Variants in ST6GALNAC5 observed in about 807,000 individuals in gnomAD.
ST6GALNAC5 encodes alpha-N-acetylgalactosaminide alpha-2,6-sialyltransferase 5.
In ST6GALNAC5, 27 loss-of-function variants were observed where a neutral mutation model predicts 33.6. The ratio of observed to expected loss-of-function variants is 0.80; its 90% CI spans 0.59 to 1.11. ST6GALNAC5 has a LOEUF of 1.11. ST6GALNAC5 is among the 50% of genes least tolerant of loss of function. ST6GALNAC5 has a pLI of 0.00. For missense variants in ST6GALNAC5, 428 were observed against 454.0 expected (o/e 0.94, Z 0.52); for synonymous variants, 194 against 171.2 (o/e 1.13, Z -1.04).
At chr1:77,029,355 G>A (rs1019490959) in intron 2 of ST6GALNAC5, among the ~76,000 whole-genome samples, 1 of 152,176 alleles carries the variant, frequency 6.6e-6, no homozygotes, top group Non-Finnish European at 1.5e-5. Flanking sequence ...AAAGTGGGAG[G>A]TTCTACTATG....
At chr1:76,975,077 G>A (rs773456395) in intron 2 of ST6GALNAC5, among the ~76,000 whole-genome samples, 3 of 151,812 alleles carry the variant, frequency 2.0e-5, no homozygotes, top group South Asian at 2.1e-4. Context: ...GTGAGCCACC[G>A]TGCCCAGGCT....
intron 2 of ST6GALNAC5, among the ~76,000 whole-genome samples, chr1:76,969,425 C>T (rs1444832013): frequency 1.3e-5 from 2 of 152,218 alleles, no homozygotes; most frequent in African/African-American, 2.4e-5. Flanking sequence ...TTGCTCACTG[C>T]TAGTGCAGCA....
At position 76,890,868 on chromosome 1, in the gene ST6GALNAC5, T is replaced by A. The variant is rs561210111; in HGVS notation, c.261+22126T>A. Among the ~76,000 whole-genome samples the A allele has an allele frequency of 1.8e-4, 27 of 152,314 alleles. No individual in the cohort carries two copies. In the South Asian group the frequency reaches 5.0e-3, roughly 28 times the overall value. On this transcript the variant is annotated intron_variant, in intron 2 of 4. Transcript: ENST00000477717. ...CATAAATGAGATTACACTACATTTATCGATTTGAGCATAAGATATTCTCAA... is the reference window on the plus strand; with the variant it reads ...CATAAATGAGATTACACTACATTTAACGATTTGAGCATAAGATATTCTCAA...
intron 2 of ST6GALNAC5, among the ~76,000 whole-genome samples, chr1:76,902,958 G>A (rs531511882): frequency 1.3e-5 from 2 of 152,118 alleles, no homozygotes; most frequent in South Asian, 4.2e-4. Context: ...AAAACTCAGG[G>A]ATAAATCTGC....
At chr1:77,053,269 T>C (rs750164385) in intron 4 of ST6GALNAC5, among the ~76,000 whole-genome samples, 1 of 152,190 alleles carries the variant, frequency 6.6e-6, no homozygotes, top group Non-Finnish European at 1.5e-5. Context: ...GGAGGTAAGC[T>C]ATCGCCAGGG....
Position 77,007,095 on chromosome 1 carries a change from T to C in ST6GALNAC5, c.262-37109T>C, listed in dbSNP as rs369273592. 1.2e-4 allele frequency among the ~76,000 whole-genome samples: 18 copies of C among 152,334 alleles called. 1 individual carries two copies. Among genetic ancestry groups the C allele is most frequent in the African/African-American group, 4.3e-4 (18 of 41,576 alleles). On this transcript the variant is annotated intron_variant, in intron 2 of 4. Transcript: ENST00000477717. ...GTCCTGTTGGGCAGAGCAAGTCACC[T>C]GGCCAAGCCCAGTGTCAGTATAGAG...
chr1:76,911,610 A>C (rs1328397518), intron 2 of ST6GALNAC5, among the ~76,000 whole-genome samples: 2 of 152,008 alleles, frequency 1.3e-5, no homozygotes, highest in African/African-American at 4.8e-5. Context: ...GATTATTGCC[A>C]CAATTTCAGA....
chr1:76,959,201 G>A (rs552816536), intron 2 of ST6GALNAC5, among the ~76,000 whole-genome samples: 1 of 152,258 alleles, frequency 6.6e-6, no homozygotes, highest in South Asian at 2.1e-4. Flanking sequence ...ATCTCTGTAG[G>A]TTTCAGAGAA....
intron 2 of ST6GALNAC5, among the ~76,000 whole-genome samples, chr1:76,900,568 G>A (rs901596113): frequency 2.6e-5 from 4 of 152,072 alleles, no homozygotes; most frequent in African/African-American, 9.7e-5. Flanking sequence ...CAATTATTTT[G>A]GTTTCTCTCT....
At chr1:76,937,277 T>G (rs559878465) in intron 2 of ST6GALNAC5, among the ~76,000 whole-genome samples, 1 of 152,052 alleles carries the variant, frequency 6.6e-6, no homozygotes, top group African/African-American at 2.4e-5. Context: ...ACATCTTTTC[T>G]CAAAGATAAA....
At chr1:77,008,008 T>C (rs1398049568) in intron 2 of ST6GALNAC5, among the ~76,000 whole-genome samples, 1 of 152,220 alleles carries the variant, frequency 6.6e-6, no homozygotes, top group Non-Finnish European at 1.5e-5. Flanking sequence ...CTTTATTTTA[T>C]TATTATTATT....
At chr1:76,958,241 C>G (rs917778241) in intron 2 of ST6GALNAC5, among the ~76,000 whole-genome samples, 1 of 152,124 alleles carries the variant, frequency 6.6e-6, no homozygotes, top group African/African-American at 2.4e-5. Flanking sequence ...CGCTTCACAT[C>G]GTCTTTTTAT....
chr1:76,926,421 G>A (rs932102453), intron 2 of ST6GALNAC5, among the ~76,000 whole-genome samples: 4 of 152,044 alleles, frequency 2.6e-5, no homozygotes, highest in Admixed American at 6.6e-5. Flanking sequence ...AATTTATGTA[G>A]GGGTCACTCT....
chr1:77,023,850 C>T (rs149960088), intron 2 of ST6GALNAC5, among the ~76,000 whole-genome samples: 28 of 152,092 alleles, frequency 1.8e-4, no homozygotes, highest in Admixed American at 8.5e-4. Flanking sequence ...TCAAAGGGGC[C>T]GGATGGGGGT....
At chr1:76,958,932 G>T (rs1648114776) in intron 2 of ST6GALNAC5, among the ~76,000 whole-genome samples, 1 of 152,026 alleles carries the variant, frequency 6.6e-6, no homozygotes, top group African/African-American at 2.4e-5. Context: ...ATCCTCTCAG[G>T]TGTGACATTT....
intron 2 of ST6GALNAC5, among the ~76,000 whole-genome samples, chr1:76,949,005 A>G (rs1248726072): frequency 1.3e-5 from 2 of 152,106 alleles, no homozygotes; most frequent in Non-Finnish European, 2.9e-5. Flanking sequence ...TCTCTCAAAG[A>G]GCTTGTGGTC....
At chr1:76,965,223 C>CT (rs535130137) in intron 2 of ST6GALNAC5, among the ~76,000 whole-genome samples, 1 of 152,128 alleles carries the variant, frequency 6.6e-6, no homozygotes, top group Admixed American at 6.5e-5. Flanking sequence ...CCACCCCCCC[C>CT]ACCAACAGTG....
intron 2 of ST6GALNAC5, among the ~76,000 whole-genome samples, chr1:76,956,367 C>T (rs1357748988): frequency 6.6e-6 from 1 of 151,998 alleles, no homozygotes; most frequent in Non-Finnish European, 1.5e-5. Context: ...ATGTTTCTTA[C>T]AACCACACTC....
intron 2 of ST6GALNAC5, among the ~76,000 whole-genome samples, chr1:76,972,688 G>A (rs979606955): frequency 3.9e-5 from 6 of 152,022 alleles, no homozygotes; most frequent in Admixed American, 3.9e-4. Flanking sequence ...ATAAATTTCT[G>A]GAAGTGGAGT....
Sources: allele counts gnomAD v4.1 joint callset (sites outside exome capture counted in the v4.1 genomes callset), GRCh38; gene constraint gnomAD v4.1.1; transcripts MANE v1.5; gene names NCBI Gene and HGNC (gene_info 2026-07-23, HGNC 2026-07-21).